Variants in C2orf66 observed in about 807,000 individuals in gnomAD.
The protein encoded by C2orf66 is uncharacterized protein C2orf66.
In C2orf66, 6 loss-of-function variants were observed where a neutral mutation model predicts 7.0. That is an observed-to-expected ratio of 0.86 (90% CI 0.47 to 1.69). C2orf66 has a LOEUF of 1.69. Ranked by LOEUF, C2orf66 falls within the 40% of genes most tolerant of loss-of-function variation. The probability of loss-of-function intolerance (pLI) is 0.01; values close to 1 mark genes in which losing one functional copy is unlikely to be tolerated. For synonymous variants in C2orf66, 38 were observed against 43.8 expected (o/e 0.87, Z 0.52); for missense variants, 107 against 112.0 (o/e 0.96, Z 0.20).
At chr2:196,828,304 G>C in the C2orf66 span, among the ~76,000 whole-genome samples, 1 of 150,912 alleles carries the variant, frequency 6.6e-6, no homozygotes, top group Non-Finnish European at 1.5e-5. Context: ...CTAGGGGTGG[G>C]AGACTTCTTT....
chr2:196,810,725 C>T (rs1261179155), upstream of C2orf66, among the ~76,000 whole-genome samples: 1 of 152,196 alleles, frequency 6.6e-6, no homozygotes, highest in African/African-American at 2.4e-5. Flanking sequence ...TGACCCTGGG[C>T]AAGTTACTAT....
At chr2:196,822,386 C>A in the C2orf66 span, among the ~76,000 whole-genome samples, 2 of 152,158 alleles carry the variant, frequency 1.3e-5, no homozygotes, top group African/African-American at 4.8e-5. Context: ...AACGTTTATA[C>A]TCCCCCTTCA....
the C2orf66 span, among the ~76,000 whole-genome samples, chr2:196,828,040 G>C: frequency 6.6e-6 from 1 of 152,050 alleles, no homozygotes; most frequent in Non-Finnish European, 1.5e-5. Flanking sequence ...GTTTGAGTTA[G>C]TCATTACTCT....
At chr2:196,826,834 C>G in the C2orf66 span, among the ~76,000 whole-genome samples, 3 of 151,986 alleles carry the variant, frequency 2.0e-5, no homozygotes. Flanking sequence ...AGATCGAGAC[C>G]ATCCTGGCTA....
At chr2:196,829,455 G>A in the C2orf66 span, among the ~76,000 whole-genome samples, 2 of 152,058 alleles carry the variant, frequency 1.3e-5, no homozygotes, top group African/African-American at 4.8e-5. Flanking sequence ...CGGGCATGGT[G>A]GCAGACGCCT....
At chr2:196,812,463 C>T (rs903902772), upstream of C2orf66, among the ~76,000 whole-genome samples, 2 of 152,088 alleles carry the variant, frequency 1.3e-5, no homozygotes, top group South Asian at 2.1e-4. Context: ...ATCACAAACC[C>T]GCAGTCAATA....
At chr2:196,805,933 AAGGGCATATTCCAC>A (rs1198258040) in intron 2 of C2orf66, among the ~76,000 whole-genome samples, 1 of 152,202 alleles carries the variant, frequency 6.6e-6, no homozygotes, top group African/African-American at 2.4e-5. Flanking sequence ...AACAATATCC[AAGGGCATATTCCAC>A]ATGGTAAGTT....
At chr2:196,823,683 G>A in the C2orf66 span, among the ~76,000 whole-genome samples, 1 of 149,658 alleles carries the variant, frequency 6.7e-6, no homozygotes, top group Non-Finnish European at 1.5e-5. Flanking sequence ...AAATTATTAT[G>A]TTAAATTTCA....
At chr2:196,830,505 C>T in the C2orf66 span, among the ~76,000 whole-genome samples, 2 of 152,152 alleles carry the variant, frequency 1.3e-5, no homozygotes, top group Non-Finnish European at 2.9e-5. Flanking sequence ...AAGCTGGGTT[C>T]CAGGAATTGG....
At chr2:196,826,093 G>C in the C2orf66 span, among the ~76,000 whole-genome samples, 1 of 152,204 alleles carries the variant, frequency 6.6e-6, no homozygotes, top group South Asian at 2.1e-4. Context: ...ACCAACAAAA[G>C]AAAATAATAA....
chr2:196,826,139 G>A, the C2orf66 span, among the ~76,000 whole-genome samples: 1 of 151,998 alleles, frequency 6.6e-6, no homozygotes, highest in East Asian at 1.9e-4. Context: ...AGCTTCATTA[G>A]GAATTGAAAA....
chr2:196,827,727 G>C, the C2orf66 span, among the ~76,000 whole-genome samples: 1 of 152,180 alleles, frequency 6.6e-6, no homozygotes, highest in Non-Finnish European at 1.5e-5. Context: ...ACTTTCTAAA[G>C]TTCTTTCTTA....
At chr2:196,829,060 C>T in the C2orf66 span, among the ~76,000 whole-genome samples, 102 of 152,218 alleles carry the variant, frequency 6.7e-4, 1 homozygote, top group African/African-American at 2.2e-3. Context: ...CATATGTTAA[C>T]ATATATATGT....
chr2:196,818,213 G>C, the C2orf66 span, among the ~76,000 whole-genome samples: 11 of 152,298 alleles, frequency 7.2e-5, no homozygotes, highest in Admixed American at 2.0e-4. Flanking sequence ...TGAGACCACA[G>C]AGCAAGGAGG....
the C2orf66 span, among the ~76,000 whole-genome samples, chr2:196,825,849 A>C: frequency 6.6e-6 from 1 of 152,260 alleles, no homozygotes; most frequent in Non-Finnish European, 1.5e-5. Flanking sequence ...GAGATACCCG[A>C]AGAGAACAGG....
chr2:196,826,252 G>A, the C2orf66 span, among the ~76,000 whole-genome samples: 1 of 152,092 alleles, frequency 6.6e-6, no homozygotes, highest in Non-Finnish European at 1.5e-5. Context: ...ATATATTTTT[G>A]TGTCTTGAGA....
chr2:196,815,813 T>A, the C2orf66 span, among the ~76,000 whole-genome samples: 1,794 of 152,298 alleles, frequency 0.012, 27 homozygotes, highest in African/African-American at 0.038. Flanking sequence ...TCTTGTCTCT[T>A]TTAAGGAAAA....
At chr2:196,810,588 C>T (rs766479119), upstream of C2orf66, among the ~76,000 whole-genome samples, 100 of 152,174 alleles carry the variant, frequency 6.6e-4, no homozygotes, top group Non-Finnish European at 1.2e-3. Flanking sequence ...AGAAATTGGA[C>T]TTGAGTTGTG....
intron 1 of C2orf66, 45 bp downstream of exon 1, chr2:196,809,169 G>A (rs1699846509): frequency 6.4e-7 from 1 of 1,563,046 alleles, no homozygotes; most frequent in Admixed American, 1.7e-5. Context: ...AATCCAAAGA[G>A]GCATTAGTTC....
Sources: gnomAD v4.1 joint callset for allele counts (sites outside exome capture counted in the v4.1 genomes callset) on GRCh38, gnomAD v4.1.1 for gene constraint, MANE v1.5 for transcripts, NCBI Gene and HGNC (gene_info 2026-07-23, HGNC 2026-07-21) for gene names.